Variants in STK10 observed in about 807,000 individuals in gnomAD.
STK10 encodes the protein serine/threonine kinase 10.
Under a neutral mutation model 113.8 loss-of-function variants are expected in STK10, and 78 were observed. The observed-to-expected ratio is 0.69, with a 90% CI of 0.57 to 0.83. STK10 has a LOEUF of 0.83. STK10 is among the 40% of genes least tolerant of loss of function. The pLI is 0.00. For missense variants in STK10, 1,109 were observed against 1,280.1 expected, an observed-to-expected ratio of 0.87 and a Z score of 2.04; for synonymous variants, 465 against 494.7, an observed-to-expected ratio of 0.94 and a Z score of 0.80.
chr5:172,181,043 T>C (rs1770846465), intron 1 of STK10, among the ~76,000 whole-genome samples: 1 of 152,178 alleles, frequency 6.6e-6, no homozygotes, highest in South Asian at 2.1e-4. Context: ...GTTGAAGGAA[T>C]GCACAAAACA....
At chr5:172,072,974 A>G (rs1401180244) in intron 12 of STK10, among the ~76,000 whole-genome samples, 1 of 152,162 alleles carries the variant, frequency 6.6e-6, no homozygotes, top group Non-Finnish European at 1.5e-5. Context: ...GCAATGAACA[A>G]TTAGAATTTT....
chr5:172,056,935 A>AAAAGAAAGAAAGAAGGAAAGAAAG (rs1561789886), intron 15 of STK10: 2 of 102,652 alleles, frequency 1.9e-5, no homozygotes, highest in African/African-American at 8.4e-5. Context: ...GGAAGGAAAG[A>AAAAGAAAGAAAGAAGGAAAGAAAG]AAAGAAAGAA....
At chr5:172,180,312 A>G (rs11951172) in intron 1 of STK10, among the ~76,000 whole-genome samples, 7,226 of 150,118 alleles carry the variant, frequency 0.048, 547 homozygotes, top group African/African-American at 0.17. Flanking sequence ...AAAAAATACA[A>G]AAATTAGCTG....
chr5:172,127,346 C>T (rs1199515647), intron 3 of STK10, 27 bp downstream of exon 3: 1 of 1,613,438 alleles, frequency 6.2e-7, no homozygotes, highest in Non-Finnish European at 8.5e-7. Flanking sequence ...CTGGTCCCGA[C>T]AATGCACCGA....
chr5:172,064,505 G>A (rs923868338), intron 13 of STK10: 1 of 599,840 alleles, frequency 1.7e-6, no homozygotes. Flanking sequence ...GGGGTATCCA[G>A]AGATGGAAGA....
chr5:172,072,191 G>A (rs567081783), intron 12 of STK10, among the ~76,000 whole-genome samples: 1 of 152,200 alleles, frequency 6.6e-6, no homozygotes, highest in Admixed American at 6.5e-5. Flanking sequence ...AAACCCATTT[G>A]ATAAAATTCA....
chr5:172,044,607 C>G lies in STK10; in HGVS notation c.*275G>C, dbSNP rs1767457437. ...TTGGACCCTGACCCCACCAACAGCC[C>G]CATCCCTTCCAGCTTGAAGGGATCT... On this transcript the variant is annotated 3_prime_UTR_variant, in exon 19 of 19. Transcript: ENST00000176763. The surrounding 1 kb of genome is among the most constrained non-coding windows in gnomAD (Gnocchi z 4.5). 5.8e-6 allele frequency: 3 copies of G among 521,630 alleles called. No homozygotes were observed. The highest frequency in any genetic ancestry group is 4.2e-5 in the South Asian group (2 of 47,290). The allele number at this position is 521,630 out of a possible 1,614,324, so 32.3% of individuals were successfully genotyped here.
intron 8 of STK10, among the ~76,000 whole-genome samples, chr5:172,094,741 A>C (rs1353787978): frequency 6.6e-6 from 1 of 152,130 alleles, no homozygotes; most frequent in Non-Finnish European, 1.5e-5. Flanking sequence ...GACATCTCTT[A>C]ATTTTTAGGT....
At chr5:172,164,678 C>T (rs1401159878) in intron 1 of STK10, among the ~76,000 whole-genome samples, 1 of 152,118 alleles carries the variant, frequency 6.6e-6, no homozygotes, top group Non-Finnish European at 1.5e-5. Context: ...GAAATGATGT[C>T]CAACTCTCTC....
chr5:172,091,325 T>C (rs540851326), intron 9 of STK10, among the ~76,000 whole-genome samples: 8 of 152,282 alleles, frequency 5.3e-5, no homozygotes, highest in Non-Finnish European at 1.5e-5. Flanking sequence ...GGAGTCACCA[T>C]GAGATTACGC....
At chr5:172,089,430 ATGG>A (rs1768641316) in intron 10 of STK10, among the ~76,000 whole-genome samples, 2 of 151,488 alleles carry the variant, frequency 1.3e-5, no homozygotes, top group Non-Finnish European at 2.9e-5. Context: ...GGATGGATGG[ATGG>A]ATGGATGGAT....
chr5:172,055,477 A>G, intron 16 of STK10, 111 bp downstream of exon 16: 1 of 1,137,582 alleles, frequency 8.8e-7, no homozygotes, highest in East Asian at 3.2e-5. Context: ...GACGTGAGCC[A>G]GCCTGCATCT....
At chr5:172,079,443 T>C (rs896472397) in intron 12 of STK10, among the ~76,000 whole-genome samples, 3 of 152,228 alleles carry the variant, frequency 2.0e-5, no homozygotes, top group Admixed American at 2.0e-4. Context: ...TATGCTTCCC[T>C]AGCATGTTGG....
chr5:172,076,932 A>G (rs1444336508), intron 12 of STK10, among the ~76,000 whole-genome samples: 1 of 151,840 alleles, frequency 6.6e-6, no homozygotes, highest in Non-Finnish European at 1.5e-5. Flanking sequence ...TTTCTGCCAA[A>G]GGCACCAAAA....
chr5:172,068,342 A>C (rs945888646), intron 12 of STK10, among the ~76,000 whole-genome samples: 23 of 151,984 alleles, frequency 1.5e-4, no homozygotes, highest in Non-Finnish European at 2.4e-4. Context: ...TCTGTCTCAA[A>C]AAAAAAAAGT....
At chr5:172,172,298 T>C (rs975409758) in intron 1 of STK10, among the ~76,000 whole-genome samples, 2 of 152,232 alleles carry the variant, frequency 1.3e-5, no homozygotes, top group Non-Finnish European at 2.9e-5. Flanking sequence ...GGGACCCTCC[T>C]CTATTTGAGC....
intron 10 of STK10, among the ~76,000 whole-genome samples, chr5:172,083,437 CATA>C (rs577563793): frequency 1.8e-3 from 279 of 152,114 alleles, no homozygotes; most frequent in African/African-American, 6.6e-3. Flanking sequence ...ATGTAGAAAA[CATA>C]ATGCAGAAAA....
chr5:172,093,839 T>C lies in STK10; in HGVS notation c.1127A>G (p.Asn376Ser), dbSNP rs1768784653. The part of the protein sequence containing the change: ...LAPSQSQDSV[N>S]EPCSQPSGDR... The stretch of plus-strand genomic sequence containing the variant: ...CCCAGAGGGCTGGCTGCAGGGCTCA[T>C]TCACACTGTCCTGAGACTGGCTGGG... The change falls in exon 9 of 19, where the codon AAT becomes AGT. Residue 376 changes from asparagine to serine, a missense_variant. Transcript: ENST00000176763. This position sits in a 1 kb window ranked among gnomAD's most constrained non-coding sequence, Gnocchi z 4.1. The C allele has an allele frequency of 1.9e-6, 3 of 1,601,592 alleles. No homozygotes were observed. The highest frequency in any genetic ancestry group is 2.6e-6 in the Non-Finnish European group (3 of 1,171,800).
intron 10 of STK10, among the ~76,000 whole-genome samples, chr5:172,085,312 T>C (rs1213507409): frequency 1.3e-5 from 2 of 151,932 alleles, no homozygotes; most frequent in Non-Finnish European, 2.9e-5. Flanking sequence ...ATGTTGTCAG[T>C]GTATGTGTGT....
Sources: gnomAD v4.1 joint callset for allele counts (sites outside exome capture counted in the v4.1 genomes callset) on GRCh38, gnomAD v4.1.1 for gene constraint, Gnocchi (gnomAD v3.1) non-coding constraint, MANE v1.5 for transcripts, NCBI Gene and HGNC (gene_info 2026-07-23, HGNC 2026-07-21) for gene names.